The following IL17RD variants were observed in gnomAD, a reference collection of about 807,000 sequenced individuals.
IL17RD encodes the protein interleukin-17 receptor D.
In IL17RD, 52 loss-of-function variants were observed where a neutral mutation model predicts 80.5. That is an observed-to-expected ratio of 0.65 (90% CI 0.52 to 0.81). The LOEUF (loss-of-function observed/expected upper bound fraction) is 0.81, where lower values mean the gene tolerates loss of function less well. Among genes scored for constraint, IL17RD ranks in the 40% least tolerant of loss-of-function variants. IL17RD has a pLI of 0.00. For synonymous variants in IL17RD, 416 were observed against 391.8 expected (o/e 1.06, Z -0.73); for missense variants, 1,024 against 955.1 (o/e 1.07, Z -0.95).
chr3:57,137,855 T>C (rs1707758284), intron 1 of IL17RD, among the ~76,000 whole-genome samples: 1 of 152,210 alleles, frequency 6.6e-6, no homozygotes, highest in Non-Finnish European at 1.5e-5. Context: ...ACCAGTGTCA[T>C]GCTTCCAAAC....
intron 8 of IL17RD, 76 bp downstream of exon 8, chr3:57,104,266 G>T: frequency 1.0e-6 from 1 of 996,702 alleles, no homozygotes; most frequent in Non-Finnish European, 1.6e-6. Flanking sequence ...AAATTTTAGT[G>T]TTGTAAACAG....
chr3:57,107,663 G>A (rs1706995553), intron 5 of IL17RD, among the ~76,000 whole-genome samples: 1 of 152,208 alleles, frequency 6.6e-6, no homozygotes, highest in African/African-American at 2.4e-5. Context: ...AACTCAGGAA[G>A]ATTAAAGAGA....
intron 11 of IL17RD, among the ~76,000 whole-genome samples, chr3:57,100,781 T>C (rs1706809948): frequency 6.6e-6 from 1 of 152,220 alleles, no homozygotes; most frequent in South Asian, 2.1e-4. Context: ...CTCACTGCTT[T>C]ACTTGCCACT....
At chr3:57,131,471 G>A (rs1707607795) in intron 1 of IL17RD, among the ~76,000 whole-genome samples, 1 of 152,200 alleles carries the variant, frequency 6.6e-6, no homozygotes, top group Admixed American at 6.5e-5. Context: ...GGTGCACTCT[G>A]TTCATGTGTT....
intron 1 of IL17RD, among the ~76,000 whole-genome samples, chr3:57,127,406 A>T (rs1707516447): frequency 9.4e-6 from 1 of 105,876 alleles, no homozygotes; most frequent in African/African-American, 3.8e-5. Flanking sequence ...ATATATATAT[A>T]TATATATTTT....
chr3:57,163,552 A>T (rs2060321058), intron 1 of IL17RD, among the ~76,000 whole-genome samples: 1 of 151,988 alleles, frequency 6.6e-6, no homozygotes, highest in Non-Finnish European at 1.5e-5. Context: ...TCACATGAAC[A>T]CTCAAAATAA....
intron 1 of IL17RD, among the ~76,000 whole-genome samples, chr3:57,135,960 A>G (rs1229573895): frequency 6.6e-6 from 1 of 152,236 alleles, no homozygotes; most frequent in African/African-American, 2.4e-5. Flanking sequence ...TGGGTATCCT[A>G]AACGCTGTTC....
intron 1 of IL17RD, among the ~76,000 whole-genome samples, chr3:57,139,499 A>C (rs957281077): frequency 1.3e-5 from 2 of 149,158 alleles, no homozygotes; most frequent in African/African-American, 4.9e-5. Flanking sequence ...TATGGGGTAC[A>C]TGCAATGAAA....
chr3:57,111,070 G>C (rs909001855), intron 3 of IL17RD, among the ~76,000 whole-genome samples: 5 of 152,236 alleles, frequency 3.3e-5, no homozygotes, highest in African/African-American at 1.2e-4. Flanking sequence ...CCAGCACCGG[G>C]TTTGTGTATC....
intron 1 of IL17RD, among the ~76,000 whole-genome samples, chr3:57,149,315 C>T (rs558220603): frequency 3.3e-5 from 5 of 149,340 alleles, no homozygotes; most frequent in East Asian, 1.9e-4. Flanking sequence ...AAAAAAAAGC[C>T]GATTCCTTCA....
rs575369591 is a variant in IL17RD, at chr3:57,090,029, C to T, written c.*6364G>A. ...ATGCAGAAATTCTAAGGTACAAAAA[C>T]ATTTTGTAAATGTCAGCTGTGATCT... On this transcript the variant is annotated 3_prime_UTR_variant, in exon 13 of 13. Coordinates refer to ENST00000296318, the MANE Select transcript of IL17RD (RefSeq NM_017563.5). 1 of 152,748 alleles carries T rather than the reference C, an allele frequency of 6.5e-6. No homozygotes were observed. Among genetic ancestry groups the T allele is most frequent in the East Asian group, 1.9e-4 (1 of 5,192 alleles). The allele number at this position is 152,748 out of a possible 1,614,324, so 9.5% of individuals were successfully genotyped here.
intron 11 of IL17RD, 47 bp downstream of exon 11, chr3:57,101,132 G>A (rs1419597641): frequency 6.6e-7 from 1 of 1,518,290 alleles, no homozygotes; most frequent in East Asian, 2.3e-5. Flanking sequence ...GAGAGTACAG[G>A]GCAAGTGTCC....
chr3:57,156,655 C>T (rs2060269167), intron 1 of IL17RD, among the ~76,000 whole-genome samples: 2 of 152,150 alleles, frequency 1.3e-5, no homozygotes, highest in Admixed American at 1.3e-4. Context: ...CACTGAGTGT[C>T]CCTCTTATCA....
At chr3:57,113,290 C>T (rs1189273788) in intron 3 of IL17RD, among the ~76,000 whole-genome samples, 1 of 152,040 alleles carries the variant, frequency 6.6e-6, no homozygotes, top group African/African-American at 2.4e-5. Context: ...CAGGCTGGAG[C>T]GCAATGGTGC....
intron 3 of IL17RD, among the ~76,000 whole-genome samples, chr3:57,111,802 C>CA (rs11397469): frequency 0.61 from 91,329 of 148,804 alleles, 28,957 homozygotes; most frequent in Middle Eastern, 0.69. Flanking sequence ...GCTAAAAATA[C>CA]AAAAAAAAAA....
In IL17RD at chr3:57,097,871, C is replaced by G. The variant is rs1260088800; in HGVS notation, c.1832G>C (p.Gly611Ala). The stretch of plus-strand genomic sequence containing the variant: ...CTGGGAGTCGGCTGGTCCGGTTGCC[C>G]CAAGAACAGCCGCCTCTACCTTTAG... ...FCLKVEAAVL[G>A]ATGPADSQHE... The change falls in exon 12 of 13, where the codon GGG becomes GCG. Residue 611 changes from glycine (G) to alanine (A), a missense_variant. Physicochemically the swap from Gly to Ala is moderately conservative, Grantham distance 60. Transcript: ENST00000296318. The G allele has an allele frequency of 1.2e-6, 2 of 1,613,784 alleles. No individual in the cohort carries two copies. The highest frequency in any genetic ancestry group is 2.2e-5 in the South Asian group (2 of 91,076).
At chr3:57,161,930 C>G (rs1387026414) in intron 1 of IL17RD, among the ~76,000 whole-genome samples, 4 of 152,186 alleles carry the variant, frequency 2.6e-5, no homozygotes. Context: ...GGCAAGGACC[C>G]TAAGAGAATT....
intron 1 of IL17RD, among the ~76,000 whole-genome samples, chr3:57,126,314 T>C (rs1257536682): frequency 4.6e-5 from 7 of 152,214 alleles, no homozygotes; most frequent in Non-Finnish European, 1.0e-4. Flanking sequence ...TTCCTTTGGT[T>C]GGTGCTCTAT....
At chr3:57,106,312 T>G (rs1706964784) in intron 5 of IL17RD, among the ~76,000 whole-genome samples, 158 bp from the exon 6 acceptor site, 1 of 152,238 alleles carries the variant, frequency 6.6e-6, no homozygotes, top group Non-Finnish European at 1.5e-5. Flanking sequence ...TGTGCAGTTG[T>G]ATCTTATGAA....
Sources: allele counts gnomAD v4.1 joint callset (sites outside exome capture counted in the v4.1 genomes callset), GRCh38; gene constraint gnomAD v4.1.1; transcripts MANE v1.5; gene names NCBI Gene and HGNC (gene_info 2026-07-23, HGNC 2026-07-21).